The following SEMA3C variants were observed in gnomAD, a reference collection of about 807,000 sequenced individuals.
SEMA3C encodes semaphorin 3C, also known as semaphorin-3C.
SEMA3C carries 47 observed loss-of-function variants against 89.4 expected under a neutral mutation model. That is an observed-to-expected ratio of 0.53 (90% CI 0.42 to 0.67). SEMA3C has a LOEUF of 0.67. SEMA3C is among the 30% of genes least tolerant of loss of function. SEMA3C has a pLI of 0.00. For missense variants in SEMA3C, 839 were observed against 929.1 expected, an observed-to-expected ratio of 0.90 and a Z score of 1.26; for synonymous variants, 310 against 320.2, an observed-to-expected ratio of 0.97 and a Z score of 0.34.
chr7:80,803,169 G>T (rs1423716165), intron 8 of SEMA3C, among the ~76,000 whole-genome samples: 2 of 152,120 alleles, frequency 1.3e-5, no homozygotes, highest in Non-Finnish European at 2.9e-5. Flanking sequence ...TGCAGATTGT[G>T]GTCAGGAGAG....
At chr7:80,843,343 A>C (rs1026920877) in intron 2 of SEMA3C, among the ~76,000 whole-genome samples, 2 of 152,172 alleles carry the variant, frequency 1.3e-5, no homozygotes, top group African/African-American at 4.8e-5. Context: ...TTAAAGCACA[A>C]ATTAAAAATT....
chr7:80,919,576 T>C (rs1250632710), upstream of SEMA3C, among the ~76,000 whole-genome samples: 1 of 149,562 alleles, frequency 6.7e-6, no homozygotes. Flanking sequence ...TTTTGTTTTT[T>C]GTTTTTTGTT....
chr7:80,766,457 T>C (rs1788306133), intron 12 of SEMA3C, among the ~76,000 whole-genome samples: 1 of 152,206 alleles, frequency 6.6e-6, no homozygotes, highest in Non-Finnish European at 1.5e-5. Flanking sequence ...GTAAATGACT[T>C]TGTAACTTTA....
chr7:80,901,970 C>CT (rs963833538), intron 2 of SEMA3C, among the ~76,000 whole-genome samples: 1 of 151,884 alleles, frequency 6.6e-6, no homozygotes, highest in African/African-American at 2.4e-5. Flanking sequence ...TTTGTTGTTG[C>CT]TTTTGAGACT....
intron 2 of SEMA3C, among the ~76,000 whole-genome samples, chr7:80,860,221 TAAGTA>T (rs935497003): frequency 2.6e-5 from 4 of 152,160 alleles, no homozygotes; most frequent in African/African-American, 9.6e-5. Flanking sequence ...CCTATGACTA[TAAGTA>T]AACTATGACC....
At chr7:80,747,185 T>C (rs1002261019) in intron 17 of SEMA3C, among the ~76,000 whole-genome samples, 2 of 152,098 alleles carry the variant, frequency 1.3e-5, no homozygotes, top group Admixed American at 1.3e-4. Flanking sequence ...CATTCTTATG[T>C]TTTTGAGATT....
chr7:80,837,822 T>C (rs1347491239), intron 2 of SEMA3C, among the ~76,000 whole-genome samples: 1 of 152,176 alleles, frequency 6.6e-6, no homozygotes, highest in African/African-American at 2.4e-5. Context: ...TCCTTGGTTT[T>C]CTTTTCTCTT....
intron 12 of SEMA3C, among the ~76,000 whole-genome samples, chr7:80,780,794 G>A (rs1316845406): frequency 6.6e-6 from 1 of 152,112 alleles, no homozygotes; most frequent in Non-Finnish European, 1.5e-5. Context: ...TGAGATGGGA[G>A]GATCACCTGA....
At chr7:80,754,301 T>C (rs1788005603) in intron 15 of SEMA3C, among the ~76,000 whole-genome samples, 1 of 152,204 alleles carries the variant, frequency 6.6e-6, no homozygotes, top group Non-Finnish European at 1.5e-5. Context: ...AACTTCATTA[T>C]GTCAAAGTAT....
intron 2 of SEMA3C, among the ~76,000 whole-genome samples, chr7:80,879,531 A>G (rs964892241): frequency 9.9e-5 from 15 of 152,188 alleles, no homozygotes; most frequent in Non-Finnish European, 1.8e-4. Context: ...AACATACAAC[A>G]TTCTGTGAAA....
At chr7:80,785,759 C>T (rs1244841144) in intron 12 of SEMA3C, among the ~76,000 whole-genome samples, 2 of 152,138 alleles carry the variant, frequency 1.3e-5, no homozygotes, top group Non-Finnish European at 2.9e-5. Context: ...CAGGCATGCG[C>T]CACCATGCCG....
chr7:80,751,781 C>T (rs978815564), intron 15 of SEMA3C, among the ~76,000 whole-genome samples: 1 of 152,094 alleles, frequency 6.6e-6, no homozygotes, highest in African/African-American at 2.4e-5. Context: ...TCAATGTTTT[C>T]TGTTTCTAGA....
In SEMA3C at chr7:80,758,396, C is replaced by T. The variant is rs1788112970; in HGVS notation, c.1578G>A (p.Leu526=). 3 of 1,614,054 alleles carry T rather than the reference C, an allele frequency of 1.9e-6. No homozygotes were observed. In the African/African-American group the frequency reaches 4.0e-5, roughly 22 times the overall value. Residue 526 remains leucine, a synonymous_variant, in exon 15 of 18, where the codon CTG becomes CTA. Transcript: ENST00000265361. ...CCCAGGCGCAATAAGGGTCCCGCGCCAGGCAGCAGTCAGCACAGGCTGTAC... is the reference window on the plus strand; with the variant it reads ...CCCAGGCGCAATAAGGGTCCCGCGCTAGGCAGCAGTCAGCACAGGCTGTAC... The part of the protein sequence containing the change: ...IYGTACADCC[L]ARDPYCAWDG...
At chr7:80,818,010 T>C (rs1205812136) in intron 5 of SEMA3C, among the ~76,000 whole-genome samples, 1 of 151,868 alleles carries the variant, frequency 6.6e-6, no homozygotes, top group Non-Finnish European at 1.5e-5. Context: ...ATACTAAAAA[T>C]ATATACATAT....
intron 2 of SEMA3C, among the ~76,000 whole-genome samples, chr7:80,900,335 A>T (rs1791847924): frequency 6.6e-6 from 1 of 152,024 alleles, no homozygotes; most frequent in Non-Finnish European, 1.5e-5. Flanking sequence ...GGATGGTCTC[A>T]ATCTCCTGAC....
At chr7:80,878,999 A>G (rs998220078) in intron 2 of SEMA3C, among the ~76,000 whole-genome samples, 1 of 152,170 alleles carries the variant, frequency 6.6e-6, no homozygotes, top group African/African-American at 2.4e-5. Context: ...ATCAAATCGG[A>G]TAAGGGGTGA....
chr7:80,760,873 G>A (rs1788168211), intron 14 of SEMA3C, among the ~76,000 whole-genome samples: 1 of 152,152 alleles, frequency 6.6e-6, no homozygotes, highest in Non-Finnish European at 1.5e-5. Flanking sequence ...TGCATGCCAA[G>A]CCTATTTGGA....
At chr7:80,919,909 G>A (rs1792376932), upstream of SEMA3C, among the ~76,000 whole-genome samples, 1 of 152,140 alleles carries the variant, frequency 6.6e-6, no homozygotes, top group Non-Finnish European at 1.5e-5. Flanking sequence ...CAATCTTGTT[G>A]CACAAGTGTA....
At chr7:80,823,179 ACTTT>A (rs1203755531) in intron 4 of SEMA3C, among the ~76,000 whole-genome samples, 4 of 152,224 alleles carry the variant, frequency 2.6e-5, no homozygotes, top group African/African-American at 7.2e-5. Context: ...AGTGCAATTT[ACTTT>A]CTTTAACAGC....
Sources: allele counts gnomAD v4.1 joint callset (sites outside exome capture counted in the v4.1 genomes callset), GRCh38; gene constraint gnomAD v4.1.1; transcripts MANE v1.5; gene names NCBI Gene and HGNC (gene_info 2026-07-23, HGNC 2026-07-21).